Variants in SCAF8 observed in about 807,000 individuals in gnomAD.
SCAF8 encodes SR-related and CTD-associated factor 8.
A neutral mutation model predicts 140.5 loss-of-function variants in SCAF8; 23 were observed. The observed-to-expected ratio is 0.16, with a 90% CI of 0.12 to 0.23. The LOEUF (loss-of-function observed/expected upper bound fraction) is 0.23. Among genes scored for constraint, SCAF8 ranks in the 10% least tolerant of loss-of-function variants. The pLI, the probability that SCAF8 is intolerant of heterozygous loss-of-function variation, is 1.00. For synonymous variants in SCAF8, 575 were observed against 528.9 expected, an observed-to-expected ratio of 1.09 and a Z score of -1.20; for missense variants, 1,397 against 1,555.7, an observed-to-expected ratio of 0.90 and a Z score of 1.72.
chr6:154,815,718 T>G lies in SCAF8; in HGVS notation c.1423T>G (p.Cys475Gly), dbSNP rs764050466. ...PPIRSKTLSV[C>G]STTLWVGQVD... Reference sequence around the variant, plus strand: ...ATTTGTCTCTTGTGTCTTGACAGTATGTAGTACTACTCTCTGGGTTGGGCA... The same window carrying G: ...ATTTGTCTCTTGTGTCTTGACAGTAGGTAGTACTACTCTCTGGGTTGGGCA... Residue 475 changes from cysteine (C) to glycine (G), a missense_variant and splice_region_variant, in exon 13 of 20, where the codon TGT (cysteine) becomes GGT (glycine). Physicochemically the swap from Cys to Gly is radical, Grantham distance 159. Around this residue, in one of 5 missense-constraint regions of SCAF8, gnomAD observed 339 missense variants for 407.5 expected, o/e 0.83. Coordinates refer to ENST00000367178, the MANE Select transcript of SCAF8 (RefSeq NM_014892.5). 1 of 1,593,208 alleles carries G rather than the reference T, an allele frequency of 6.3e-7. No homozygotes were observed. Among genetic ancestry groups the G allele is most frequent in the Non-Finnish European group, 8.6e-7 (1 of 1,161,300 alleles).
chr6:154,817,220 C>T (rs1778279158), intron 13 of SCAF8, among the ~76,000 whole-genome samples: 1 of 152,152 alleles, frequency 6.6e-6, no homozygotes. Context: ...AAATTTTTAG[C>T]AAAGTGTCAC....
chr6:154,790,489 A>ATTTTTTTTTTT lies in SCAF8; in HGVS notation c.322-2305_322-2295dup, dbSNP rs57095332. Among the ~76,000 whole-genome samples the ATTTTTTTTTTT allele has an allele frequency of 7.9e-4, 56 of 70,874 alleles. 5 individuals are homozygous for ATTTTTTTTTTT. The highest frequency in any genetic ancestry group is 1.1e-3 in the Non-Finnish European group (43 of 37,994). The allele number at this position is 70,874 out of a possible 152,430, so 46.5% of individuals were successfully genotyped here. A position where few individuals can be genotyped will look rare whatever the true frequency, so the allele number is the denominator to read the frequency against. On this transcript the variant is annotated intron_variant, in intron 4 of 19. Coordinates refer to ENST00000367178, the MANE Select transcript of SCAF8 (RefSeq NM_014892.5). ...TTGTAAAACATATACATTTAACAGA[A>ATTTTTTTTTTT]TTTTTTTTTTTTTTTTTTTTTTTTT...
In SCAF8 at chr6:154,733,807, G is replaced by T; in HGVS notation, c.-94G>T. On this transcript the variant is annotated 5_prime_UTR_variant, in exon 1 of 20. Transcript: ENST00000367178. ...GCTCTCCCGCCAGCGCCCCCTCCTC[G>T]CGGCCACGCAGCAGCCCGCGTCTCG... 1 of 1,438,688 alleles carries T rather than the reference G, an allele frequency of 7.0e-7. No individual in the cohort carries two copies. Among genetic ancestry groups the T allele is most frequent in the Non-Finnish European group, 9.1e-7 (1 of 1,097,954 alleles). The allele number at this position is 1,438,688 out of a possible 1,614,324, so 89.1% of individuals were successfully genotyped here.
chr6:154,761,603 AT>A (rs1776404637), intron 1 of SCAF8, among the ~76,000 whole-genome samples: 1 of 152,146 alleles, frequency 6.6e-6, no homozygotes, highest in Admixed American at 6.5e-5. Flanking sequence ...ATCTGGGAGG[AT>A]TCCCTCAGTA....
At chr6:154,789,267 CTCG>C (rs1777342786) in intron 4 of SCAF8, among the ~76,000 whole-genome samples, 1 of 151,814 alleles carries the variant, frequency 6.6e-6, no homozygotes, top group African/African-American at 2.4e-5. Context: ...CGCCACCACA[CTCG>C]GCTAATTTTT....
At chr6:154,826,057 G>A (rs1035278525) in intron 17 of SCAF8, among the ~76,000 whole-genome samples, 2 of 152,110 alleles carry the variant, frequency 1.3e-5, no homozygotes, top group East Asian at 3.8e-4. Flanking sequence ...TAGATGTTGG[G>A]TAGAGTTTTT....
At chr6:154,773,107 A>G (rs1257081041) in intron 1 of SCAF8, among the ~76,000 whole-genome samples, 1 of 152,200 alleles carries the variant, frequency 6.6e-6, no homozygotes, top group Non-Finnish European at 1.5e-5. Context: ...ATACCATAAA[A>G]TCAGTCAACT....
intron 1 of SCAF8, among the ~76,000 whole-genome samples, chr6:154,743,191 AT>A (rs1778615585): frequency 6.6e-6 from 1 of 152,216 alleles, no homozygotes; most frequent in Non-Finnish European, 1.5e-5. Context: ...TAGAGTCCAG[AT>A]TGCCTGTCCA....
intron 6 of SCAF8, among the ~76,000 whole-genome samples, chr6:154,796,920 C>A (rs1408816770): frequency 2.0e-5 from 3 of 150,506 alleles, no homozygotes; most frequent in Non-Finnish European, 2.9e-5. Context: ...TACAGAGAGC[C>A]AAGATCATGC....
At chr6:154,762,280 T>A (rs1776428194) in intron 1 of SCAF8, among the ~76,000 whole-genome samples, 1 of 152,174 alleles carries the variant, frequency 6.6e-6, no homozygotes, top group Non-Finnish European at 1.5e-5. Context: ...GATGGAGGTG[T>A]TTTCCAGGGC....
intron 1 of SCAF8, among the ~76,000 whole-genome samples, chr6:154,737,988 T>C (rs894865990): frequency 2.2e-4 from 33 of 152,218 alleles, no homozygotes; most frequent in Non-Finnish European, 7.4e-5. Flanking sequence ...TTTGTGGAGA[T>C]CATTGGTTTG....
intron 1 of SCAF8, among the ~76,000 whole-genome samples, chr6:154,739,927 A>G: frequency 6.6e-6 from 1 of 152,084 alleles, no homozygotes; most frequent in East Asian, 1.9e-4. Flanking sequence ...TTTTTAGTTT[A>G]TTTTTCCTTT....
intron 1 of SCAF8, among the ~76,000 whole-genome samples, chr6:154,736,813 C>T (rs894535839): frequency 8.5e-5 from 13 of 152,152 alleles, no homozygotes; most frequent in African/African-American, 3.1e-4. Flanking sequence ...CCCATTTCCC[C>T]ATATGGATTT....
rs978480090 is a variant in SCAF8, at chr6:154,833,467, A to C, written c.*72A>C. On this transcript the variant is annotated 3_prime_UTR_variant, in exon 20 of 20. Coordinates refer to ENST00000367178, the MANE Select transcript of SCAF8 (RefSeq NM_014892.5). ...TCTGTAATAGATAATGGCTGACTGG[A>C]CCATAGTTGTTCACTTTTGTCTGCC... 59 of 1,411,280 alleles carry C rather than the reference A, an allele frequency of 4.2e-5. No homozygotes were observed. The highest frequency in any genetic ancestry group is 1.3e-4 in the Admixed American group (6 of 45,092). 87.4% of individuals were successfully genotyped at this position (1,411,280 alleles called of 1,614,324 possible).
chr6:154,793,815 C>CA (rs59257286), intron 5 of SCAF8, among the ~76,000 whole-genome samples: 31,219 of 68,644 alleles, frequency 0.45, 6,200 homozygotes, highest in East Asian at 0.75. Flanking sequence ...AACTCTGTCT[C>CA]AAAAAAAAAA....
chr6:154,736,115 A>C (rs532431585), intron 1 of SCAF8, among the ~76,000 whole-genome samples: 1 of 151,614 alleles, frequency 6.6e-6, no homozygotes, highest in Non-Finnish European at 1.5e-5. Context: ...GTGAGCCACC[A>C]CGCCTGGGGG....
chr6:154,822,732 A>C (rs1010501808), intron 16 of SCAF8, among the ~76,000 whole-genome samples: 7 of 152,300 alleles, frequency 4.6e-5, no homozygotes, highest in African/African-American at 1.7e-4. Flanking sequence ...AGTTTGATTA[A>C]AATTTTTTGA....
intron 1 of SCAF8, among the ~76,000 whole-genome samples, chr6:154,744,398 AAGG>A (rs1408813928): frequency 1.3e-5 from 2 of 152,196 alleles, no homozygotes; most frequent in Non-Finnish European, 2.9e-5. Context: ...AAAGAAAAAA[AAGG>A]AGGTATTAGA....
chr6:154,810,703 G>A (rs867822275), intron 12 of SCAF8, among the ~76,000 whole-genome samples: 12 of 152,242 alleles, frequency 7.9e-5, no homozygotes, highest in Middle Eastern at 3.4e-3. Flanking sequence ...GAACAGATTC[G>A]GTAGTGGTGG....
Sources: gnomAD v4.1 joint callset for allele counts (sites outside exome capture counted in the v4.1 genomes callset) on GRCh38, gnomAD v4.1.1 for gene constraint, gnomAD v4.1.1 regional missense constraint, MANE v1.5 for transcripts, NCBI Gene and HGNC (gene_info 2026-07-23, HGNC 2026-07-21) for gene names.